CHD1: variants seen among roughly 807,000 people sequenced by gnomAD.
CHD1 encodes chromodomain helicase DNA binding protein 1, also known as ATP-dependent chromatin remodeler CHD1.
In CHD1, 36 loss-of-function variants were observed where a neutral mutation model predicts 224.2. The ratio of observed to expected loss-of-function variants is 0.16; its 90% CI spans 0.12 to 0.21. CHD1 has a LOEUF of 0.21. Ranked by LOEUF, CHD1 falls within the 10% of genes least tolerant of loss-of-function variation. The pLI, the probability that CHD1 is intolerant of heterozygous loss-of-function variation, is 1.00. For synonymous variants in CHD1, 668 were observed against 658.3 expected, an observed-to-expected ratio of 1.01 and a Z score of -0.23; for missense variants, 1,378 against 1,994.8, an observed-to-expected ratio of 0.69 and a Z score of 5.89.
intron 2 of CHD1, among the ~76,000 whole-genome samples, chr5:98,917,302 A>AAAAAAAAAAAAAAC (rs1401276310): frequency 6.6e-6 from 1 of 150,832 alleles, no homozygotes; most frequent in Non-Finnish European, 1.5e-5. Flanking sequence ...AAAGAAACAA[A>AAAAAAAAAAAAAAC]AAAAAAAAAC....
chr5:98,867,558 A>ATGTG (rs71226948), intron 31 of CHD1, among the ~76,000 whole-genome samples: 5,101 of 150,936 alleles, frequency 0.034, 275 homozygotes, highest in African/African-American at 0.12. Context: ...ACTATTACAC[A>ATGTG]TGTGTGTGTG....
rs1432998923 is a variant in CHD1 at position 98,856,535 on chromosome 5, A to G, written c.4978T>C (p.Tyr1660His). ...THHKSSRDYR[Y>H]HSDWQMDHRA... The stretch of plus-strand genomic sequence containing the variant: ...TGGTCCATTTGCCAGTCTGAGTGAT[A>G]CCTATAATCCCTGGAAGATTTATGG... The change falls in exon 36 of 36, where the codon TAT becomes CAT. Residue 1660 changes from tyrosine (Y) to histidine (H), a missense_variant. Coordinates refer to ENST00000614616, the MANE Select transcript of CHD1 (RefSeq NM_001270.4). 1 of 1,613,896 alleles carries G rather than the reference A, an allele frequency of 6.2e-7. No individual in the cohort carries two copies. The highest frequency in any genetic ancestry group is 8.5e-7 in the Non-Finnish European group (1 of 1,179,838).
chr5:98,866,675 A>C (rs1748894680), intron 31 of CHD1, among the ~76,000 whole-genome samples: 1 of 152,118 alleles, frequency 6.6e-6, no homozygotes. Context: ...AGAAATCTCT[A>C]AAAAGGAAAT....
At chr5:98,876,659 TA>T (rs1749785257) in intron 23 of CHD1, 101 bp from the exon 24 acceptor site, 1 of 1,010,744 alleles carries the variant, frequency 9.9e-7, no homozygotes, top group East Asian at 2.5e-5. Context: ...AAAATGTTAT[TA>T]AATGTATCAA....
In CHD1 at chr5:98,881,348, T is replaced by A; in HGVS notation, c.2895A>T (p.Leu965Phe). 1 of 1,559,650 alleles carries A rather than the reference T, an allele frequency of 6.4e-7. No individual in the cohort carries two copies. The highest frequency in any genetic ancestry group is 8.7e-7 in the Non-Finnish European group (1 of 1,152,060). ...SSSTPFNKEE[L>F]SAILKFGAEE... ...CAGCACCAAACTTTAAAATGGCTGA[T>A]AACTCTTCTTTATTGAAAGGAGTAG... The change falls in exon 21 of 36, where the codon TTA becomes TTT. Residue 965 changes from leucine to phenylalanine, a missense_variant. By Grantham distance (22) the Leu-to-Phe change is conservative. This residue lies in a region of CHD1 where 286 missense variants were observed against 445.1 expected (regional missense o/e 0.64). Coordinates refer to ENST00000614616, the MANE Select transcript of CHD1 (RefSeq NM_001270.4).
In CHD1 at chr5:98,869,872, T is replaced by A; in HGVS notation, c.3989A>T (p.Lys1330Met). The change falls in exon 30 of 36, where the codon AAG becomes ATG. Residue 1330 changes from lysine to methionine, a missense_variant. Around this residue, in one of 16 missense-constraint regions of CHD1, gnomAD observed 105 missense variants for 93.4 expected, o/e 1.12. Transcript: ENST00000614616. ...KEALSGAGSS[K>M]RRKARAKKNK... ...CTTCTTAGCTCTTGCTTTTCTCCTC[T>A]TTGAACTTCCCTAAAAATCATTATT... is the stretch of plus-strand genomic sequence containing the variant. The A allele has an allele frequency of 6.3e-7, 1 of 1,597,334 alleles. No individual in the cohort carries two copies. The highest frequency in any genetic ancestry group is 8.6e-7 in the Non-Finnish European group (1 of 1,168,734).
In CHD1 at chr5:98,900,863, C is replaced by T. The variant is rs1342124418; in HGVS notation, c.807G>A (p.Glu269=). 1.2e-6 allele frequency: 2 copies of T among 1,613,068 alleles called. No individual in the cohort carries two copies. The highest frequency in any genetic ancestry group is 1.1e-5 in the South Asian group (1 of 90,770). ...CGEDVPQPEE[E]EFETIERFMD... ...TAAATCTTTCTATGGTTTCAAATTC[C>T]TCTTCCTCAGGTTGAGGAACATCCT... The change falls in exon 7 of 36, where the codon GAG becomes GAA. Residue 269 remains glutamate, a synonymous_variant. Transcript: ENST00000614616.
At chr5:98,896,165 A>G in intron 12 of CHD1, 61 bp downstream of exon 12, 1 of 1,435,744 alleles carries the variant, frequency 7.0e-7, no homozygotes, top group Non-Finnish European at 9.8e-7. Flanking sequence ...AAAACAACAA[A>G]AACACTTGAT....
At chr5:98,909,024 T>C (rs1196055167) in intron 2 of CHD1, among the ~76,000 whole-genome samples, 5 of 151,210 alleles carry the variant, frequency 3.3e-5, no homozygotes, top group Non-Finnish European at 7.4e-5. Flanking sequence ...CATGAATCTA[T>C]CACCCAGCTC....
At chr5:98,871,399 A>AG (rs1458855036) in intron 28 of CHD1, among the ~76,000 whole-genome samples, 1 of 136,082 alleles carries the variant, frequency 7.3e-6, no homozygotes, top group Non-Finnish European at 1.6e-5. Context: ...AAAAAAAAAA[A>AG]GGATTTCAGC....
intron 2 of CHD1, among the ~76,000 whole-genome samples, chr5:98,923,335 ATAAT>A (rs1753228929): frequency 6.6e-6 from 1 of 152,226 alleles, no homozygotes; most frequent in Non-Finnish European, 1.5e-5. Context: ...ACAACTCCGA[ATAAT>A]TAAAGAAATA....
Position 98,888,190 on chromosome 5 carries a change from A to G in CHD1, c.2394T>C (p.Ile798=). ...GKLILLDKLL[I]RLRERGNRVL... is the part of the protein sequence containing the mutation. ...CTCGATTGCCTCGTTCTCTTAGGCGAATTAATAGCTTGTCAAGAAGAATCA... is the reference window on the plus strand; with the variant it reads ...CTCGATTGCCTCGTTCTCTTAGGCGGATTAATAGCTTGTCAAGAAGAATCA... Residue 798 remains isoleucine, a synonymous_variant, in exon 17 of 36, where the codon ATT becomes ATC. Coordinates refer to ENST00000614616, the MANE Select transcript of CHD1 (RefSeq NM_001270.4). The G allele has an allele frequency of 6.2e-7, 1 of 1,611,628 alleles. No homozygotes were observed.
In CHD1 at chr5:98,899,628, G is replaced by T; in HGVS notation, c.937C>A (p.Pro313Thr). The T allele has an allele frequency of 1.2e-6, 2 of 1,613,420 alleles. No homozygotes were observed. Among genetic ancestry groups the T allele is most frequent in the Non-Finnish European group, 1.7e-6 (2 of 1,179,850 alleles). Residue 313 changes from proline (P) to threonine (T), a missense_variant, in exon 8 of 36, where the codon CCA (proline) becomes ACA (threonine). By Grantham distance (38) the Pro-to-Thr change is conservative (BLOSUM62 -1). Around this residue, in one of 16 missense-constraint regions of CHD1, gnomAD observed 40 missense variants for 60.0 expected, o/e 0.67. Coordinates refer to ENST00000614616, the MANE Select transcript of CHD1 (RefSeq NM_001270.4). The stretch of plus-strand genomic sequence containing the variant: ...TTAATTAAATACTGAATCTCTCCTG[G>T]TTCTTTGTTTTTTTCAAAGCCTGCA... ...PNAGFEKNKE[P>T]GEIQYLIKWK...
chr5:98,894,141 T>C (rs1452574802), intron 13 of CHD1, among the ~76,000 whole-genome samples: 1 of 152,226 alleles, frequency 6.6e-6, no homozygotes, highest in Non-Finnish European at 1.5e-5. Context: ...GAGACTGATT[T>C]TCTTTTCCAT....
chr5:98,904,309 A>G (rs1037275434), intron 3 of CHD1, among the ~76,000 whole-genome samples: 1 of 152,124 alleles, frequency 6.6e-6, no homozygotes, highest in Non-Finnish European at 1.5e-5. Flanking sequence ...ATTTTTCTCT[A>G]TGAAGGAATC....
Position 98,856,243 on chromosome 5 carries a change from C to T in CHD1, c.*137G>A. 1.6e-6 allele frequency: 1 copy of T among 629,298 alleles called. No individual in the cohort carries two copies. 39.0% of individuals were successfully genotyped at this position (629,298 alleles called of 1,614,324 possible). ...TCTTCTGTTGGGATAATAGACCTTG[C>T]ATCCTGGAAAGAAGTAACAATACTG... On this transcript the variant is annotated 3_prime_UTR_variant, in exon 36 of 36. Transcript: ENST00000614616.
chr5:98,873,824 T>G, intron 25 of CHD1, 101 bp from the exon 26 acceptor site: 1 of 1,037,902 alleles, frequency 9.6e-7, no homozygotes, highest in Non-Finnish European at 1.4e-6. Flanking sequence ...ATCACTCTAC[T>G]GCATGCTCTA....
intron 2 of CHD1, among the ~76,000 whole-genome samples, chr5:98,911,654 C>A (rs1017891656): frequency 1.3e-5 from 2 of 152,156 alleles, no homozygotes; most frequent in Admixed American, 6.5e-5. Flanking sequence ...AGCTGTGAAA[C>A]ACTTTAGAAG....
intron 26 of CHD1, among the ~76,000 whole-genome samples, chr5:98,872,957 G>A (rs1385801821): frequency 6.6e-6 from 1 of 152,000 alleles, no homozygotes; most frequent in African/African-American, 2.4e-5. Flanking sequence ...AAGTAACTGA[G>A]ACTACAAGCA....
Sources: allele counts gnomAD v4.1 joint callset (sites outside exome capture counted in the v4.1 genomes callset), GRCh38; gene constraint gnomAD v4.1.1; regional missense constraint gnomAD v4.1.1; transcripts MANE v1.5; gene names NCBI Gene and HGNC (gene_info 2026-07-23, HGNC 2026-07-21).